IL1RAPL2: variants seen among roughly 807,000 people sequenced by gnomAD.
IL1RAPL2 encodes the protein interleukin 1 receptor accessory protein like 2, also known as X-linked interleukin-1 receptor accessory protein-like 2.
A neutral mutation model predicts 44.1 loss-of-function variants in IL1RAPL2; 3 were observed. That is an observed-to-expected ratio of 0.07 (90% CI 0.03 to 0.18). The LOEUF is 0.18. IL1RAPL2 is among the 10% of genes least tolerant of loss of function. IL1RAPL2 has a pLI of 1.00. For missense variants in IL1RAPL2, 391 were observed against 496.4 expected (o/e 0.79, Z 2.02); for synonymous variants, 181 against 178.8 (o/e 1.01, Z -0.10).
chrX:104,916,001 G>T (rs1338006212), intron 2 of IL1RAPL2, among the ~76,000 whole-genome samples: 1 of 111,674 alleles, frequency 9.0e-6, no homozygotes, highest in African/African-American at 3.3e-5. Context: ...GTCAGGTAGC[G>T]TGATGCCTCC....
At chrX:104,831,371 T>G (rs1921601237) in intron 2 of IL1RAPL2, among the ~76,000 whole-genome samples, 1 of 112,087 alleles carries the variant, frequency 8.9e-6, no homozygotes, top group Non-Finnish European at 1.9e-5. Context: ...GATTCTATTC[T>G]AAGTCCTTTG....
At chrX:104,877,258 C>G (rs1258852371) in intron 2 of IL1RAPL2, among the ~76,000 whole-genome samples, 10 of 111,105 alleles carry the variant, frequency 9.0e-5, no homozygotes, top group African/African-American at 2.9e-4. Context: ...AATGGGATGG[C>G]TGGGTCAAAT....
intron 4 of IL1RAPL2, among the ~76,000 whole-genome samples, chrX:105,235,371 T>A (rs1480366734): frequency 8.9e-6 from 1 of 111,870 alleles, no homozygotes; most frequent in Non-Finnish European, 1.9e-5. Context: ...TGATGGTAGA[T>A]GACCAGGAAG....
chrX:105,196,245 G>T (rs2033671817), intron 3 of IL1RAPL2, among the ~76,000 whole-genome samples: 1 of 110,779 alleles, frequency 9.0e-6, no homozygotes, highest in Admixed American at 9.6e-5. Flanking sequence ...TCGCGCCACT[G>T]CACTCCAGCC....
intron 2 of IL1RAPL2, among the ~76,000 whole-genome samples, chrX:104,854,803 G>A (rs750312172): frequency 9.8e-5 from 11 of 111,846 alleles, no homozygotes; most frequent in Non-Finnish European, 1.9e-4. Context: ...ATGCCAAAGG[G>A]CTAGGAGAAG....
chrX:105,659,739 G>T (rs2037706318), intron 6 of IL1RAPL2, among the ~76,000 whole-genome samples: 1 of 109,103 alleles, frequency 9.2e-6, no homozygotes, highest in African/African-American at 3.3e-5. Context: ...ACATACAGAA[G>T]AATGTATCAC....
At chrX:105,052,260 G>A (rs924392765) in intron 2 of IL1RAPL2, among the ~76,000 whole-genome samples, 1 of 111,779 alleles carries the variant, frequency 8.9e-6, no homozygotes, top group African/African-American at 3.3e-5. Context: ...GGAAGAGAAG[G>A]ACAAACTTTT....
chrX:105,459,617 C>T (rs2036079607), intron 5 of IL1RAPL2, among the ~76,000 whole-genome samples: 1 of 110,982 alleles, frequency 9.0e-6, no homozygotes, highest in South Asian at 3.8e-4. Context: ...CTTTAAGAGA[C>T]AAAACAGGTT....
chrX:105,114,203 C>T (rs942504142), intron 2 of IL1RAPL2, among the ~76,000 whole-genome samples: 5 of 111,612 alleles, frequency 4.5e-5, no homozygotes, highest in African/African-American at 1.3e-4. Flanking sequence ...TAAGCTCTTC[C>T]GCCATGTGAG....
At chrX:105,693,816 T>C (rs779586772) in intron 6 of IL1RAPL2, among the ~76,000 whole-genome samples, 5 of 111,064 alleles carry the variant, frequency 4.5e-5, no homozygotes, top group African/African-American at 1.3e-4. Flanking sequence ...GCTACAATGA[T>C]GGCTTTGAAG....
At chrX:105,501,913 C>T (rs1778410084) in intron 6 of IL1RAPL2, among the ~76,000 whole-genome samples, 1 of 111,441 alleles carries the variant, frequency 9.0e-6, no homozygotes, top group African/African-American at 3.3e-5. Flanking sequence ...GAAAGTAGCG[C>T]ACATTACTTC....
In IL1RAPL2 at chrX:105,195,406, G is replaced by C. The variant is rs1417162591; in HGVS notation, c.83-69G>C. The C allele has an allele frequency of 2.9e-6, 3 of 1,033,370 alleles. No individual in the cohort carries two copies. In the East Asian group the frequency reaches 9.1e-5, roughly 32 times the overall value. The allele number at this position is 1,033,370 out of a possible 1,213,427, so 85.2% of individuals were successfully genotyped here. ...GGAGCACTTAGGACATGTTGGTGAT[G>C]ATTACTGCTCACACTATTAGTGTCA... is the stretch of plus-strand genomic sequence containing the variant. On this transcript the variant is annotated intron_variant, in intron 2 of 10. Transcript: ENST00000372582.
At chrX:104,797,202 G>A (rs866318965) in intron 2 of IL1RAPL2, among the ~76,000 whole-genome samples, 1 of 9,646 alleles carries the variant, frequency 1.0e-4, no homozygotes, top group East Asian at 1.7e-3. Context: ...CCCCCCCCCC[G>A]CAAAGTAATG....
intron 2 of IL1RAPL2, among the ~76,000 whole-genome samples, chrX:105,094,444 C>A (rs1434708341): frequency 1.8e-5 from 2 of 111,143 alleles, no homozygotes; most frequent in Admixed American, 1.9e-4. Context: ...TGAAAAAATT[C>A]TTTCCTTGAG....
In IL1RAPL2 at chrX:105,133,238, A is replaced by T. The variant is rs187636441; in HGVS notation, c.83-62237A>T. Among the ~76,000 whole-genome samples the T allele has an allele frequency of 1.2e-4, 13 of 111,898 alleles. No individual in the cohort carries two copies. The East Asian group carries it at 3.7e-3, about 32-fold the overall frequency. ...TTCTTTTTTCTGTACTGATTTTCAT[A>T]ATTTTAGAGAGATATGTAACATTAT... On this transcript the variant is annotated intron_variant, in intron 2 of 10. Coordinates refer to ENST00000372582, the MANE Select transcript of IL1RAPL2 (RefSeq NM_017416.2).
At chrX:105,530,690 A>G (rs1042362067) in intron 6 of IL1RAPL2, among the ~76,000 whole-genome samples, 1 of 110,098 alleles carries the variant, frequency 9.1e-6, no homozygotes, top group Non-Finnish European at 1.9e-5. Context: ...CATTCTTTCT[A>G]TCTTTTGTAC....
intron 2 of IL1RAPL2, among the ~76,000 whole-genome samples, chrX:105,001,932 T>C (rs759557162): frequency 9.0e-6 from 1 of 111,108 alleles, no homozygotes; most frequent in South Asian, 3.8e-4. Context: ...AGGGTACTTC[T>C]GAAGTGAACA....
chrX:105,646,258 G>T (rs2037604844), intron 6 of IL1RAPL2, among the ~76,000 whole-genome samples: 2 of 111,801 alleles, frequency 1.8e-5, no homozygotes, highest in Non-Finnish European at 1.9e-5. Flanking sequence ...GCATTGATTT[G>T]TCAGTGATTT....
intron 6 of IL1RAPL2, among the ~76,000 whole-genome samples, chrX:105,642,362 C>T (rs2037575537): frequency 8.9e-6 from 1 of 112,228 alleles, no homozygotes; most frequent in East Asian, 2.8e-4. Flanking sequence ...ATCAGAGAAG[C>T]ACTTGGTGTC....
Sources: allele counts gnomAD v4.1 joint callset (sites outside exome capture counted in the v4.1 genomes callset), GRCh38; gene constraint gnomAD v4.1.1; transcripts MANE v1.5; gene names NCBI Gene and HGNC (gene_info 2026-07-23, HGNC 2026-07-21).